The following CTNND2 variants were observed in gnomAD, a reference collection of about 807,000 sequenced individuals.
The protein encoded by CTNND2 is catenin delta-2.
A neutral mutation model predicts 144.4 loss-of-function variants in CTNND2; 22 were observed. That is an observed-to-expected ratio of 0.15 (90% CI 0.11 to 0.22). The LOEUF (loss-of-function observed/expected upper bound fraction) is 0.22. Among genes scored for constraint, CTNND2 ranks in the 10% least tolerant of loss-of-function variants. The pLI is 1.00. For synonymous variants in CTNND2, 751 were observed against 695.6 expected (o/e 1.08, Z -1.25); for missense variants, 1,353 against 1,618.8 (o/e 0.84, Z 2.82).
intron 2 of CTNND2, among the ~76,000 whole-genome samples, chr5:11,663,862 CTTA>C (rs1212481611): frequency 6.6e-6 from 1 of 152,046 alleles, no homozygotes; most frequent in East Asian, 1.9e-4. Context: ...CATTAAGTAA[CTTA>C]TTATGCTTCT....
intron 9 of CTNND2, among the ~76,000 whole-genome samples, chr5:11,282,882 T>G (rs977856667): frequency 1.3e-5 from 2 of 152,198 alleles, no homozygotes; most frequent in African/African-American, 2.4e-5. Context: ...CATACTGATA[T>G]ATCTTTGCCA....
At chr5:11,108,431 T>C (rs900003929) in intron 14 of CTNND2, among the ~76,000 whole-genome samples, 2 of 152,204 alleles carry the variant, frequency 1.3e-5, no homozygotes, top group African/African-American at 4.8e-5. Flanking sequence ...CATTTATGCA[T>C]TTGGCATCTA....
rs189518447 is a variant in CTNND2, at chr5:11,353,918, G to T, written c.1373-7291C>A. ...GGGATTAGGGGAAGGTCAATGAATA[G>T]AATTTTCCATAAAAATGGAAATAGG... On this transcript the variant is annotated intron_variant, in intron 8 of 21. Transcript: ENST00000304623. 1.3e-3 allele frequency among the ~76,000 whole-genome samples: 198 copies of T among 152,242 alleles called. 1 individual carries two copies. The highest frequency in any genetic ancestry group is 3.1e-3 in the Admixed American group (48 of 15,292).
At chr5:11,602,616 C>A (rs1051635563) in intron 2 of CTNND2, among the ~76,000 whole-genome samples, 1 of 148,692 alleles carries the variant, frequency 6.7e-6, no homozygotes, top group Admixed American at 6.8e-5. Context: ...CAAGAGACAG[C>A]TTTGCTTTCT....
chr5:11,261,908 G>T (rs1744896808), intron 9 of CTNND2, among the ~76,000 whole-genome samples: 1 of 152,156 alleles, frequency 6.6e-6, no homozygotes, highest in Non-Finnish European at 1.5e-5. Flanking sequence ...CAGCCCAGTG[G>T]TGTTAGATAA....
chr5:11,474,018 C>A (rs1051664418), intron 3 of CTNND2, among the ~76,000 whole-genome samples: 4 of 152,156 alleles, frequency 2.6e-5, no homozygotes, highest in Non-Finnish European at 5.9e-5. Context: ...TAATCGAGAG[C>A]CTGAAGCATG....
At chr5:11,110,674 T>G (rs1430449587) in intron 14 of CTNND2, among the ~76,000 whole-genome samples, 184 bp downstream of exon 14, 1 of 152,138 alleles carries the variant, frequency 6.6e-6, no homozygotes, top group Non-Finnish European at 1.5e-5. Flanking sequence ...CTGCGAGACG[T>G]GAGGGAAATC....
chr5:11,112,697 C>T (rs1753124380), intron 13 of CTNND2, among the ~76,000 whole-genome samples: 1 of 152,214 alleles, frequency 6.6e-6, no homozygotes, highest in Non-Finnish European at 1.5e-5. Context: ...GGAGATGGCA[C>T]AGTGCGGAGC....
intron 11 of CTNND2, among the ~76,000 whole-genome samples, chr5:11,179,883 C>G (rs1406127783): frequency 6.6e-6 from 1 of 152,192 alleles, no homozygotes; most frequent in East Asian, 1.9e-4. Context: ...ATTTCCTTCT[C>G]AACCTAACAT....
intron 11 of CTNND2, among the ~76,000 whole-genome samples, chr5:11,164,535 C>G (rs1282704437): frequency 6.6e-6 from 1 of 151,976 alleles, no homozygotes; most frequent in South Asian, 2.1e-4. Context: ...GTGAAGAAAA[C>G]AAAAAATCCC....
At chr5:11,481,215 A>T (rs892914490) in intron 3 of CTNND2, among the ~76,000 whole-genome samples, 3 of 152,126 alleles carry the variant, frequency 2.0e-5, no homozygotes, top group Non-Finnish European at 4.4e-5. Context: ...TTATTGAAAA[A>T]TTTGATACCT....
intron 9 of CTNND2, among the ~76,000 whole-genome samples, chr5:11,276,774 G>A (rs1258289063): frequency 1.3e-5 from 2 of 152,194 alleles, no homozygotes; most frequent in Non-Finnish European, 2.9e-5. Flanking sequence ...GAAGAGAAAG[G>A]AGAAAGAGAT....
Position 11,106,977 on chromosome 5 carries a change from T to C in CTNND2, c.2463+3881A>G, listed in dbSNP as rs371338996. Reference sequence around the variant, plus strand: ...GACCATGGGGAGGAAGGCAGCACCCTGAAGATGAGAGCCCCATAAAATACA... The same window carrying C: ...GACCATGGGGAGGAAGGCAGCACCCCGAAGATGAGAGCCCCATAAAATACA... On this transcript the variant is annotated intron_variant, in intron 14 of 21. Coordinates refer to ENST00000304623, the MANE Select transcript of CTNND2 (RefSeq NM_001332.4). Among the ~76,000 whole-genome samples, 6 of 152,118 alleles carry C rather than the reference T, an allele frequency of 3.9e-5. No individual in the cohort carries two copies. The East Asian group carries it at 5.8e-4, about 15-fold the overall frequency.
intron 10 of CTNND2, among the ~76,000 whole-genome samples, chr5:11,224,560 C>G (rs906441270): frequency 6.6e-6 from 1 of 152,138 alleles, no homozygotes; most frequent in Non-Finnish European, 1.5e-5. Context: ...GTTAAAGTCA[C>G]TGCCTTCCTT....
chr5:11,417,457 T>C (rs1183888406), intron 3 of CTNND2, among the ~76,000 whole-genome samples: 2 of 152,166 alleles, frequency 1.3e-5, no homozygotes, highest in African/African-American at 2.4e-5. Context: ...TGAACTCCAA[T>C]GAATTAATAA....
At chr5:11,655,603 A>T (rs533754954) in intron 2 of CTNND2, among the ~76,000 whole-genome samples, 1 of 152,156 alleles carries the variant, frequency 6.6e-6, no homozygotes, top group Non-Finnish European at 1.5e-5. Flanking sequence ...ATTTTTAAGG[A>T]AGAAGTCCAT....
At chr5:11,236,425 T>C (rs758490396) in intron 10 of CTNND2, among the ~76,000 whole-genome samples, 5 of 152,224 alleles carry the variant, frequency 3.3e-5, no homozygotes, top group African/African-American at 1.2e-4. Flanking sequence ...GTTCCAAGTA[T>C]GGCATTTGAC....
chr5:11,064,159 G>A (rs908726719), intron 16 of CTNND2, among the ~76,000 whole-genome samples: 5 of 152,154 alleles, frequency 3.3e-5, no homozygotes, highest in Non-Finnish European at 7.3e-5. Flanking sequence ...TCAAGGTGAA[G>A]GCAAGGTGTG....
chr5:11,831,614 C>T lies in CTNND2; in HGVS notation c.37+72203G>A, dbSNP rs962070492. 1.2e-3 allele frequency among the ~76,000 whole-genome samples: 185 copies of T among 151,228 alleles called. 3 individuals carry two copies. The highest frequency in any genetic ancestry group is 2.7e-4 in the Non-Finnish European group (18 of 67,894). On this transcript the variant is annotated intron_variant, in intron 1 of 21. Coordinates refer to ENST00000304623, the MANE Select transcript of CTNND2 (RefSeq NM_001332.4). ...ACCTGGAGGCGGAGCTTGCAGTGAG[C>T]CGAGATTGCGCCACTGCACTCCAGC...
Sources: gnomAD v4.1 joint callset for allele counts (sites outside exome capture counted in the v4.1 genomes callset) on GRCh38, gnomAD v4.1.1 for gene constraint, MANE v1.5 for transcripts, NCBI Gene and HGNC (gene_info 2026-07-23, HGNC 2026-07-21) for gene names.